CAPNS1: variants seen among roughly 807,000 people sequenced by gnomAD.
CAPNS1 encodes calpain small subunit 1.
CAPNS1 carries 32 observed loss-of-function variants against 39.2 expected under a neutral mutation model. That is an observed-to-expected ratio of 0.82 (90% CI 0.62 to 1.10). The LOEUF is 1.10. Among genes scored for constraint, CAPNS1 ranks in the 50% least tolerant of loss-of-function variants. The pLI, the probability that CAPNS1 is intolerant of heterozygous loss-of-function variation, is 0.00. For synonymous variants in CAPNS1, 153 were observed against 136.2 expected (o/e 1.12, Z -0.86); for missense variants, 353 against 373.1 (o/e 0.95, Z 0.44).
chr19:36,150,151 C>T lies in CAPNS1; in HGVS notation c.*312C>T. Reference sequence around the variant, plus strand: ...TGTGCCAAGCCTAGCACTTGTGATGCCTCCATGCCCCGAGGGCCCTCTCTC... The same window carrying T: ...TGTGCCAAGCCTAGCACTTGTGATGTCTCCATGCCCCGAGGGCCCTCTCTC... On this transcript the variant is annotated 3_prime_UTR_variant, in exon 11 of 11. Transcript: ENST00000246533. 3.3e-6 allele frequency: 1 copy of T among 299,036 alleles called. No individual in the cohort carries two copies. 18.5% of individuals were successfully genotyped at this position (299,036 alleles called of 1,614,324 possible).
chr19:36,147,089 T>G (rs1169267376), intron 9 of CAPNS1, among the ~76,000 whole-genome samples: 1 of 152,196 alleles, frequency 6.6e-6, no homozygotes, highest in Non-Finnish European at 1.5e-5. Context: ...CCAGCAATCC[T>G]CCTACCTCAG....
chr19:36,144,964 G>C (rs1041983158), intron 6 of CAPNS1, among the ~76,000 whole-genome samples: 1 of 152,132 alleles, frequency 6.6e-6, no homozygotes. Flanking sequence ...TTTCAGCTTT[G>C]AATGTTTTCT....
Position 36,141,215 on chromosome 19 carries a change from C to CA in CAPNS1, c.205dup (p.Ile69AsnfsTer23). ...GCATCCTAGGCGGAGTCATCAGCGC[C>CA]ATCAGGTAAGGCGGAGACTATCAGA... On this transcript the variant is annotated frameshift_variant, in exon 2 of 11. Coordinates refer to ENST00000246533, the MANE Select transcript of CAPNS1 (RefSeq NM_001749.4). LOFTEE classifies it high-confidence loss of function. 1 of 1,504,182 alleles carries CA rather than the reference C, an allele frequency of 6.6e-7. No homozygotes were observed. The highest frequency in any genetic ancestry group is 8.8e-7 in the Non-Finnish European group (1 of 1,132,826). The allele number at this position is 1,504,182 out of a possible 1,614,324, so 93.2% of individuals were successfully genotyped here.
rs1289320295 is a variant in CAPNS1 at position 36,149,790 on chromosome 19, A to G, written c.781-23A>G. 2.6e-6 allele frequency: 4 copies of G among 1,545,156 alleles called. No homozygotes were observed. In the South Asian group the frequency reaches 4.9e-5, roughly 19 times the overall value. The stretch of plus-strand genomic sequence containing the variant: ...GGTGCTCTTGGGGTTCCCTGTCCTC[A>G]CTCTCCACCCTCCTCTCCCCAGTGG... On this transcript the variant is annotated intron_variant, in intron 10 of 10. Coordinates refer to ENST00000246533, the MANE Select transcript of CAPNS1 (RefSeq NM_001749.4).
chr19:36,145,493 C>T lies in CAPNS1; in HGVS notation c.457-313C>T, dbSNP rs1010799232. ...GTGCTGGATTGCAGGCGGGAGCCAC[C>T]GTGCGTGGCCTATTAAGAATTTTCT... On this transcript the variant is annotated intron_variant, in intron 6 of 10. Coordinates refer to ENST00000246533, the MANE Select transcript of CAPNS1 (RefSeq NM_001749.4). 7 of 248,350 alleles carry T rather than the reference C, an allele frequency of 2.8e-5. No homozygotes were observed. In the East Asian group the frequency reaches 3.4e-4, roughly 12 times the overall value. 15.4% of individuals were successfully genotyped at this position (248,350 alleles called of 1,614,324 possible).
At position 36,141,147 on chromosome 19, in the gene CAPNS1, G is replaced by A. The variant is rs1974348415; in HGVS notation, c.136G>A (p.Gly46Ser). The change falls in exon 2 of 11, where the codon GGC (glycine) becomes AGC (serine). Residue 46 changes from glycine (G) to serine (S), a missense_variant. Transcript: ENST00000246533. ...GGGCGGCGGCGGCGGCGGCGGCGGC[G>A]GCGGCGGTGGTGGAGGCGGCGGTGG... ...AGGGGGGGGG[G>S]GGGGGGGGGG... 7.2e-7 allele frequency: 1 copy of A among 1,392,442 alleles called. No homozygotes were observed. Among genetic ancestry groups the A allele is most frequent in the African/African-American group, 1.5e-5 (1 of 65,452 alleles). 86.3% of individuals were successfully genotyped at this position (1,392,442 alleles called of 1,614,324 possible). A position where few individuals can be genotyped will look rare whatever the true frequency, so the allele number is the denominator to read the frequency against.
intron 6 of CAPNS1, among the ~76,000 whole-genome samples, chr19:36,143,690 T>G (rs1441368697): frequency 7.5e-6 from 1 of 132,730 alleles, no homozygotes; most frequent in Non-Finnish European, 1.6e-5. Context: ...TGAAACCCTG[T>G]CTCTACCAAA....
chr19:36,149,857 G>C lies in CAPNS1; in HGVS notation c.*18G>C, dbSNP rs200464197. On this transcript the variant is annotated 3_prime_UTR_variant, in exon 11 of 11. Coordinates refer to ENST00000246533, the MANE Select transcript of CAPNS1 (RefSeq NM_001749.4). ...ATTCCTGAACTGGAGCCCCAGACCCGCCCCCTCACTGCCTTGCTATAGGAG... is the reference window on the plus strand; with the variant it reads ...ATTCCTGAACTGGAGCCCCAGACCCCCCCCCTCACTGCCTTGCTATAGGAG... 7.6e-6 allele frequency: 11 copies of C among 1,440,558 alleles called. 1 individual carries two copies. The highest frequency in any genetic ancestry group is 1.8e-6 in the Non-Finnish European group (2 of 1,089,562). 89.2% of individuals were successfully genotyped at this position (1,440,558 alleles called of 1,614,324 possible). A position where few individuals can be genotyped will look rare whatever the true frequency, so the allele number is the denominator to read the frequency against.
intron 9 of CAPNS1, chr19:36,148,124 C>T (rs576579287): frequency 1.3e-5 from 2 of 151,906 alleles, no homozygotes; most frequent in African/African-American, 4.8e-5. Flanking sequence ...CCAGAGAGCC[C>T]ACAATGCATG....
chr19:36,147,379 A>G (rs1337884634), intron 9 of CAPNS1, among the ~76,000 whole-genome samples: 1 of 152,174 alleles, frequency 6.6e-6, no homozygotes, highest in African/African-American at 2.4e-5. Flanking sequence ...GTGGGTGCCA[A>G]GTTTGGGGGT....
Position 36,142,339 on chromosome 19 carries a change from C to A in CAPNS1, c.243+6C>A. ...AGTACAACCCGGAGCCCCCGGTAAG[C>A]CCCCTCTGCAACCAGACCCCCTTCT... On this transcript the variant is annotated splice_donor_region_variant and intron_variant, in intron 3 of 10. Transcript: ENST00000246533. 1 of 1,497,852 alleles carries A rather than the reference C, an allele frequency of 6.7e-7. No homozygotes were observed. The highest frequency in any genetic ancestry group is 9.1e-7 in the Non-Finnish European group (1 of 1,100,966). The allele number at this position is 1,497,852 out of a possible 1,614,324, so 92.8% of individuals were successfully genotyped here. A position where few individuals can be genotyped will look rare whatever the true frequency, so the allele number is the denominator to read the frequency against.
intron 8 of CAPNS1, 36 bp downstream of exon 8, chr19:36,146,090 G>A: frequency 6.2e-7 from 1 of 1,607,922 alleles, no homozygotes; most frequent in South Asian, 1.1e-5. Flanking sequence ...GCTGGGAGTG[G>A]GATGGGTGAG....
At chr19:36,145,718 C>G (rs750799537) in intron 6 of CAPNS1, 88 bp from the exon 7 acceptor site, 9 of 1,180,692 alleles carry the variant, frequency 7.6e-6, no homozygotes, top group Non-Finnish European at 1.1e-5. Context: ...CCTGGCTGCC[C>G]TGCTTGCTGT....
rs1974419572 is a variant in CAPNS1, at chr19:36,142,656, C to G, written c.248C>G (p.Pro83Arg). ...TGAGCTCTCCTCCCTTTGCAGCCCC[C>G]ACGCACACATTACTCCAACATTGAG... ...AAQYNPEPPP[P>R]RTHYSNIEAN... The change falls in exon 4 of 11, where the codon CCA becomes CGA. Residue 83 changes from proline (P) to arginine (R), a missense_variant. Physicochemically the swap from Pro to Arg is moderately radical, Grantham distance 103 (BLOSUM62 -2). Coordinates refer to ENST00000246533, the MANE Select transcript of CAPNS1 (RefSeq NM_001749.4). The G allele has an allele frequency of 6.2e-7, 1 of 1,613,946 alleles. No homozygotes were observed. Among genetic ancestry groups the G allele is most frequent in the Admixed American group, 1.7e-5 (1 of 60,002 alleles).
At chr19:36,142,877 A>G (rs752750806) in intron 4 of CAPNS1, 32 bp from the exon 5 acceptor site, 2 of 1,613,182 alleles carry the variant, frequency 1.2e-6, no homozygotes, top group South Asian at 2.2e-5. Flanking sequence ...CCTTTCAGTC[A>G]CCCCTGACCT....
intron 2 of CAPNS1, chr19:36,141,425 C>T (rs1599875994): frequency 3.0e-6 from 4 of 1,316,822 alleles, no homozygotes; most frequent in Non-Finnish European, 2.9e-6. Flanking sequence ...TCATTGGGGG[C>T]GGTGCTTGAT....
chr19:36,146,786 T>C (rs1369717296), intron 9 of CAPNS1, among the ~76,000 whole-genome samples: 2 of 152,186 alleles, frequency 1.3e-5, no homozygotes, highest in African/African-American at 4.8e-5. Flanking sequence ...GGGAACAGCC[T>C]GTGCAAAGGC....
In CAPNS1 at chr19:36,146,315, G is replaced by T; in HGVS notation, c.721+3G>T. The T allele has an allele frequency of 6.3e-7, 1 of 1,593,930 alleles. No homozygotes were observed. The highest frequency in any genetic ancestry group is 1.1e-5 in the South Asian group (1 of 90,456). On this transcript the variant is annotated splice_donor_region_variant and intron_variant, in intron 9 of 10. Transcript: ENST00000246533. ...GGTCAGGCTGGACGCCATGTTCCGTGAGTGACAACCCAGCTGTCTTCCTGG... is the reference window on the plus strand; with the variant it reads ...GGTCAGGCTGGACGCCATGTTCCGTTAGTGACAACCCAGCTGTCTTCCTGG...
chr19:36,145,782 C>G (rs1974540622), intron 6 of CAPNS1, 24 bp from the exon 7 acceptor site: 2 of 1,607,216 alleles, frequency 1.2e-6, no homozygotes, highest in Admixed American at 1.7e-5. Context: ...GTAGCTGTCA[C>G]TCTTCTTAAC....
Sources: allele counts gnomAD v4.1 joint callset (sites outside exome capture counted in the v4.1 genomes callset), GRCh38; gene constraint gnomAD v4.1.1; transcripts MANE v1.5; gene names NCBI Gene and HGNC (gene_info 2026-07-23, HGNC 2026-07-21).